The following MCF2L2 variants were observed in gnomAD, a reference collection of about 807,000 sequenced individuals.
MCF2L2 encodes MCF.2 cell line derived transforming sequence-like 2.
In MCF2L2, 102 loss-of-function variants were observed where a neutral mutation model predicts 150.2. The observed-to-expected ratio is 0.68, with a 90% CI of 0.58 to 0.80. The LOEUF (loss-of-function observed/expected upper bound fraction) is 0.80, where lower values mean the gene tolerates loss of function less well. Among genes scored for constraint, MCF2L2 ranks in the 30% least tolerant of loss-of-function variants. The pLI is 0.00. For missense variants in MCF2L2, 1,256 were observed against 1,372.8 expected (o/e 0.91, Z 1.34); for synonymous variants, 465 against 491.3 (o/e 0.95, Z 0.71).
At chr3:183,241,245 G>C (rs1482713279) in intron 15 of MCF2L2, among the ~76,000 whole-genome samples, 1 of 152,136 alleles carries the variant, frequency 6.6e-6, no homozygotes, top group Non-Finnish European at 1.5e-5. Context: ...AAAAGTAAGG[G>C]GGAATAGAAG....
chr3:183,220,610 C>G (rs1431027406), intron 20 of MCF2L2, among the ~76,000 whole-genome samples: 3 of 152,142 alleles, frequency 2.0e-5, no homozygotes, highest in Non-Finnish European at 4.4e-5. Context: ...TTTCCAAGTT[C>G]TTCAGAGAAG....
At chr3:183,240,568 C>A (rs897916829) in intron 15 of MCF2L2, among the ~76,000 whole-genome samples, 1 of 152,190 alleles carries the variant, frequency 6.6e-6, no homozygotes, top group African/African-American at 2.4e-5. Context: ...AAGAACTTGC[C>A]CACAGCTGCC....
intron 25 of MCF2L2, among the ~76,000 whole-genome samples, chr3:183,199,153 G>A (rs1722172494): frequency 6.6e-6 from 1 of 152,086 alleles, no homozygotes; most frequent in Non-Finnish European, 1.5e-5. Context: ...ATCTTATGAT[G>A]CACACCCAGC....
chr3:183,336,715 G>A lies in MCF2L2; in HGVS notation c.486+2085C>T, dbSNP rs920043141. On this transcript the variant is annotated intron_variant, in intron 5 of 29. Coordinates refer to ENST00000328913, the MANE Select transcript of MCF2L2 (RefSeq NM_015078.4). ...CTAAAAATGCAAAAATTACCCAGGCGTGGTGGCGGGTGCCTATAATCCCAG... is the reference window on the plus strand; with the variant it reads ...CTAAAAATGCAAAAATTACCCAGGCATGGTGGCGGGTGCCTATAATCCCAG... Among the ~76,000 whole-genome samples the A allele has an allele frequency of 1.1e-3, 170 of 151,824 alleles. 1 individual carries two copies. Among genetic ancestry groups the A allele is most frequent in the African/African-American group, 4.0e-3 (166 of 41,464 alleles).
intron 27 of MCF2L2, among the ~76,000 whole-genome samples, chr3:183,185,640 T>C (rs1438332829): frequency 6.6e-6 from 1 of 152,198 alleles, no homozygotes; most frequent in East Asian, 1.9e-4. Flanking sequence ...ATTTAATACA[T>C]GGTGTCACAT....
In MCF2L2 at chr3:183,222,746, C is replaced by T. The variant is rs568949401; in HGVS notation, c.2301+600G>A. Among the ~76,000 whole-genome samples the T allele has an allele frequency of 2.0e-5, 3 of 152,200 alleles. No individual in the cohort carries two copies. In the South Asian group the frequency reaches 6.2e-4, roughly 32 times the overall value. On this transcript the variant is annotated intron_variant, in intron 20 of 29. Coordinates refer to ENST00000328913, the MANE Select transcript of MCF2L2 (RefSeq NM_015078.4). ...CCCAAACCTTTCTCTCAAGCTCACA[C>T]CTAGAAAACCAGCCATGATAGGCCC...
intron 3 of MCF2L2, among the ~76,000 whole-genome samples, chr3:183,347,639 T>A (rs1730953393): frequency 1.3e-5 from 2 of 152,170 alleles, no homozygotes; most frequent in Non-Finnish European, 2.9e-5. Context: ...GGTAGAACAT[T>A]TTTGCAATCT....
At chr3:183,355,821 C>T (rs1019795747) in intron 3 of MCF2L2, among the ~76,000 whole-genome samples, 8 of 151,988 alleles carry the variant, frequency 5.3e-5, no homozygotes, top group African/African-American at 1.5e-4. Flanking sequence ...TTAAACATAG[C>T]AATTTCAAGT....
At chr3:183,409,454 G>C (rs1715208114) in intron 1 of MCF2L2, among the ~76,000 whole-genome samples, 1 of 151,466 alleles carries the variant, frequency 6.6e-6, no homozygotes, top group South Asian at 2.1e-4. Context: ...CATATAAATA[G>C]ACTGCACTTA....
intron 1 of MCF2L2, chr3:183,400,225 C>T (rs1023851632): frequency 6.6e-6 from 2 of 301,680 alleles, no homozygotes; most frequent in Non-Finnish European, 1.3e-5. Context: ...TCACAAAAAA[C>T]TTGAGACGGT....
intron 22 of MCF2L2, 44 bp downstream of exon 22, chr3:183,215,925 C>G (rs754189785): frequency 6.3e-7 from 1 of 1,594,848 alleles, no homozygotes; most frequent in Admixed American, 1.7e-5. Context: ...TAGTATTGCA[C>G]CTGCCTTTTG....
chr3:183,344,966 C>T (rs6799763), intron 3 of MCF2L2, among the ~76,000 whole-genome samples: 38,828 of 151,990 alleles, frequency 0.26, 7,160 homozygotes, highest in African/African-American at 0.52. Flanking sequence ...GACTCCCACG[C>T]AATAATACTG....
intron 14 of MCF2L2, among the ~76,000 whole-genome samples, chr3:183,288,030 C>T (rs987354672): frequency 1.3e-5 from 2 of 152,208 alleles, no homozygotes; most frequent in African/African-American, 2.4e-5. Flanking sequence ...GGAACCCCTT[C>T]GGGGGCTGCT....
rs777084879 is a variant in MCF2L2 at position 183,311,742 on chromosome 3, T to C, written c.784A>G (p.Thr262Ala). 3.7e-6 allele frequency: 6 copies of C among 1,613,944 alleles called. No individual in the cohort carries two copies. The highest frequency in any genetic ancestry group is 1.1e-5 in the South Asian group (1 of 91,034). ...TCTTGGATGCATGACAGCAATGTGG[T>C]CCCCTGCTTTCCAAGTAATTTCAGC... ...DELKLLGKQG[T>A]TLLSCIQEPA... The change falls in exon 8 of 30, where the codon ACC becomes GCC. Residue 262 changes from threonine (T) to alanine (A), a missense_variant. By Grantham distance (58) the Thr-to-Ala change is moderately conservative. Transcript: ENST00000328913.
chr3:183,277,062 G>A (rs780861620), intron 14 of MCF2L2, 105 bp from the exon 15 acceptor site: 46 of 705,998 alleles, frequency 6.5e-5, no homozygotes, highest in African/African-American at 2.6e-4. Context: ...TGAGTCTCTC[G>A]ATAAGCAAAA....
chr3:183,395,940 A>C (rs958940749), intron 1 of MCF2L2, among the ~76,000 whole-genome samples: 2 of 85,412 alleles, frequency 2.3e-5, no homozygotes, highest in African/African-American at 6.5e-5. Context: ...AAAAAAAAAG[A>C]AAGAAAGAAA....
At chr3:183,259,740 A>G (rs960592659) in intron 15 of MCF2L2, among the ~76,000 whole-genome samples, 1 of 152,006 alleles carries the variant, frequency 6.6e-6, no homozygotes, top group Non-Finnish European at 1.5e-5. Context: ...TTGGATCTCC[A>G]TCCTTGGAGT....
At chr3:183,301,174 T>C (rs989713104) in intron 10 of MCF2L2, among the ~76,000 whole-genome samples, 1 of 152,146 alleles carries the variant, frequency 6.6e-6, no homozygotes, top group Admixed American at 6.6e-5. Context: ...TTCCTGTTTG[T>C]TTAAGCATTC....
At chr3:183,259,079 G>A (rs1323121009) in intron 15 of MCF2L2, among the ~76,000 whole-genome samples, 6 of 152,102 alleles carry the variant, frequency 3.9e-5, no homozygotes, top group Non-Finnish European at 7.3e-5. Context: ...TGAGGATGCG[G>A]AACCCATGAA....
Sources: gnomAD v4.1 joint callset for allele counts (sites outside exome capture counted in the v4.1 genomes callset) on GRCh38, gnomAD v4.1.1 for gene constraint, MANE v1.5 for transcripts, NCBI Gene and HGNC (gene_info 2026-07-23, HGNC 2026-07-21) for gene names.